The following KLC1 variants were observed in gnomAD, a reference collection of about 807,000 sequenced individuals.
KLC1 encodes the protein kinesin light chain 1.
In KLC1, 30 loss-of-function variants were observed where a neutral mutation model predicts 84.2. The ratio of observed to expected loss-of-function variants is 0.36; its 90% CI spans 0.27 to 0.48. The LOEUF is 0.48. Ranked by LOEUF, KLC1 falls within the 20% of genes least tolerant of loss-of-function variation. The pLI, the probability that KLC1 is intolerant of heterozygous loss-of-function variation, is 0.99. For synonymous variants in KLC1, 289 were observed against 293.3 expected, an observed-to-expected ratio of 0.99 and a Z score of 0.15; for missense variants, 499 against 805.4, an observed-to-expected ratio of 0.62 and a Z score of 4.60.
intron 1 of KLC1, among the ~76,000 whole-genome samples, chr14:103,632,814 G>C (rs2076784905): frequency 6.6e-6 from 1 of 152,184 alleles, no homozygotes; most frequent in Non-Finnish European, 1.5e-5. Flanking sequence ...TAAAGGCTGT[G>C]GAGTGCACTG....
rs765078097 is a variant in KLC1, at chr14:103,698,846, C to T, written c.1849-1809C>T. The T allele has an allele frequency of 6.2e-6, 10 of 1,607,316 alleles. No homozygotes were observed. The Middle Eastern group carries it at 8.3e-4, about 134-fold the overall frequency. ...TCCCTCGCACCCCTTCGGCACTGAT[C>T]GTGTAGGAACAGGAGGAGGGGGGCA... On this transcript the variant is annotated intron_variant, in intron 15 of 16. Coordinates refer to ENST00000334553, the MANE Select transcript of KLC1 (RefSeq NM_001394837.1).
chr14:103,679,633 C>G, intron 13 of KLC1, 88 bp downstream of exon 13: 1 of 940,354 alleles, frequency 1.1e-6, no homozygotes, highest in Non-Finnish European at 1.6e-6. Context: ...TGTGCTAGAC[C>G]TTCTGCTTTT....
At chr14:103,689,250 G>A (rs936661827) in intron 14 of KLC1, among the ~76,000 whole-genome samples, 1 of 152,174 alleles carries the variant, frequency 6.6e-6, no homozygotes, top group South Asian at 2.1e-4. Flanking sequence ...GGTGCTGAGT[G>A]TTGTAACTTG....
chr14:103,650,567 C>T (rs1317683730), intron 1 of KLC1, among the ~76,000 whole-genome samples: 1 of 148,968 alleles, frequency 6.7e-6, no homozygotes, highest in Non-Finnish European at 1.5e-5. Context: ...TGTTACTTAG[C>T]GGTAGCCTGT....
chr14:103,673,293 C>T, intron 8 of KLC1, 39 bp from the exon 9 acceptor site: 1 of 1,544,726 alleles, frequency 6.5e-7, no homozygotes, highest in East Asian at 2.4e-5. Context: ...TTATTTACAT[C>T]TGAAAGATAT....
At chr14:103,647,673 C>G (rs1386502441) in intron 1 of KLC1, among the ~76,000 whole-genome samples, 1 of 151,762 alleles carries the variant, frequency 6.6e-6, no homozygotes, top group Non-Finnish European at 1.5e-5. Flanking sequence ...GTCAAGAGAT[C>G]AAGACCATCC....
At chr14:103,674,172 A>G (rs2080677808) in intron 9 of KLC1, among the ~76,000 whole-genome samples, 1 of 152,168 alleles carries the variant, frequency 6.6e-6, no homozygotes, top group African/African-American at 2.4e-5. Context: ...CACATTTTTA[A>G]TGTCTTTCCT....
chr14:103,643,706 T>C (rs1176135159), intron 1 of KLC1, among the ~76,000 whole-genome samples: 1 of 151,910 alleles, frequency 6.6e-6, no homozygotes, highest in East Asian at 1.9e-4. Context: ...GGCAGGCAGA[T>C]CACTTGAGGT....
At position 103,694,310 on chromosome 14, in the gene KLC1, G is replaced by A; in HGVS notation, c.1848+1885G>A. ...TCTGTTGCCCAGGCTGGAGCGCAGT[G>A]GCCCAATCTCGGCCCACTGCAAGCT... On this transcript the variant is annotated intron_variant, in intron 15 of 16. Transcript: ENST00000334553. This position sits in a 1 kb window ranked among gnomAD's most constrained non-coding sequence, Gnocchi z 4.5. 3 of 954,780 alleles carry A rather than the reference G, an allele frequency of 3.1e-6. No homozygotes were observed. The highest frequency in any genetic ancestry group is 3.7e-6 in the Non-Finnish European group (3 of 805,274). 59.1% of individuals were successfully genotyped at this position (954,780 alleles called of 1,614,324 possible).
chr14:103,642,358 G>A (rs186450746), intron 1 of KLC1, among the ~76,000 whole-genome samples: 13 of 152,138 alleles, frequency 8.5e-5, no homozygotes, highest in Non-Finnish European at 1.6e-4. Context: ...GAATTGGGGT[G>A]GGGGGCACAC....
intron 3 of KLC1, among the ~76,000 whole-genome samples, chr14:103,660,816 A>AT (rs754763484): frequency 6.6e-6 from 1 of 152,012 alleles, no homozygotes; most frequent in Non-Finnish European, 1.5e-5. Flanking sequence ...AAATAAATAA[A>AT]TAAATAAATA....
chr14:103,660,232 G>T (rs1361767967), intron 3 of KLC1, among the ~76,000 whole-genome samples: 1 of 151,338 alleles, frequency 6.6e-6, no homozygotes, highest in Non-Finnish European at 1.5e-5. Flanking sequence ...TGTAATCCCA[G>T]CCCTTAGGGA....
chr14:103,634,273 G>A (rs1395923469), intron 1 of KLC1, among the ~76,000 whole-genome samples: 1 of 151,996 alleles, frequency 6.6e-6, no homozygotes, highest in African/African-American at 2.4e-5. Context: ...ATTCAGTGTC[G>A]GTGCTTGGCG....
At position 103,687,517 on chromosome 14, in the gene KLC1, ATGT is replaced by A. The variant is rs540660528; in HGVS notation, c.1781+309_1781+311del. The A allele has an allele frequency of 5.0e-4, 81 of 162,014 alleles. 1 individual carries two copies. In the South Asian group the frequency reaches 0.013, roughly 25 times the overall value. 10.0% of individuals were successfully genotyped at this position (162,014 alleles called of 1,614,324 possible). A position where few individuals can be genotyped will look rare whatever the true frequency, so the allele number is the denominator to read the frequency against. Reference sequence around the variant, plus strand: ...ACGAAATGTGGGCATTTATATTAAAATGTTGAGCATTTTGAACTTGTTTACTCT... The same window carrying A: ...ACGAAATGTGGGCATTTATATTAAAATGAGCATTTTGAACTTGTTTACTCT... On this transcript the variant is annotated intron_variant, in intron 14 of 16. Coordinates refer to ENST00000334553, the MANE Select transcript of KLC1 (RefSeq NM_001394837.1).
chr14:103,697,211 T>C, intron 15 of KLC1: 2 of 747,052 alleles, frequency 2.7e-6, no homozygotes, highest in Non-Finnish European at 3.3e-6. Flanking sequence ...AAAATAACTT[T>C]TTCCCATGTT....
intron 2 of KLC1, among the ~76,000 whole-genome samples, chr14:103,656,570 G>A (rs2078856890): frequency 6.6e-6 from 1 of 152,166 alleles, no homozygotes; most frequent in Admixed American, 6.5e-5. Context: ...TTTCATAGAG[G>A]AAGTGACTGC....
intron 15 of KLC1, chr14:103,697,306 C>T (rs79120854): frequency 0.012 from 2,517 of 214,454 alleles, 67 homozygotes; most frequent in African/African-American, 0.055. Flanking sequence ...CCCTGGAAAA[C>T]GGCAAACAGA....
At chr14:103,673,279 T>A in intron 8 of KLC1, 53 bp from the exon 9 acceptor site, 2 of 1,549,942 alleles carry the variant, frequency 1.3e-6, no homozygotes, top group Non-Finnish European at 1.7e-6. Flanking sequence ...TTAAAATGTA[T>A]GCTTTATTTA....
intron 11 of KLC1, among the ~76,000 whole-genome samples, chr14:103,676,316 T>C (rs766894500): frequency 6.6e-6 from 1 of 152,148 alleles, no homozygotes; most frequent in Non-Finnish European, 1.5e-5. Flanking sequence ...TCTCCCAGGC[T>C]GGAGTGCAAT....
Sources: gnomAD v4.1 joint callset for allele counts (sites outside exome capture counted in the v4.1 genomes callset) on GRCh38, gnomAD v4.1.1 for gene constraint, Gnocchi (gnomAD v3.1) non-coding constraint, MANE v1.5 for transcripts, NCBI Gene and HGNC (gene_info 2026-07-23, HGNC 2026-07-21) for gene names.